The following UBE3C variants were observed in gnomAD, a reference collection of about 807,000 sequenced individuals.
The protein encoded by UBE3C is ubiquitin-protein ligase E3C.
In UBE3C, 42 loss-of-function variants were observed where a neutral mutation model predicts 129.4. The ratio of observed to expected loss-of-function variants is 0.32; its 90% confidence interval spans 0.25 to 0.42. UBE3C has a LOEUF of 0.42. Ranked by LOEUF, UBE3C falls within the 10% of genes least tolerant of loss-of-function variation. UBE3C has a pLI of 1.00. For synonymous variants in UBE3C, 510 were observed against 492.4 expected (o/e 1.04, Z -0.47); for missense variants, 1,049 against 1,319.1 (o/e 0.80, Z 3.17).
chr7:157,201,660 A>ATTTTTTT (rs1809286928), intron 10 of UBE3C, 61 bp from the exon 11 acceptor site: 1 of 370,484 alleles, frequency 2.7e-6, no homozygotes, highest in Non-Finnish European at 3.9e-6. Flanking sequence ...TTTTTTTTTA[A>ATTTTTTT]GAAATGTTTT....
At chr7:157,197,072 T>G (rs1232758803) in intron 10 of UBE3C, among the ~76,000 whole-genome samples, 3 of 152,244 alleles carry the variant, frequency 2.0e-5, no homozygotes, top group African/African-American at 7.2e-5. Flanking sequence ...ACTAGTAATA[T>G]ATCTAAATCA....
At chr7:157,139,680 T>G (rs963158177) in intron 1 of UBE3C, among the ~76,000 whole-genome samples, 48 of 152,240 alleles carry the variant, frequency 3.2e-4, no homozygotes, top group African/African-American at 1.2e-3. Context: ...CTCCCTTCCA[T>G]GCAGGAGGCC....
At chr7:157,186,806 G>A in intron 9 of UBE3C, 28 bp from the exon 10 acceptor site, 2 of 1,611,012 alleles carry the variant, frequency 1.2e-6, no homozygotes, top group Non-Finnish European at 1.7e-6. Flanking sequence ...GCACATTTAT[G>A]GAGACTGGTT....
chr7:157,171,572 A>T (rs1380573768), intron 4 of UBE3C, among the ~76,000 whole-genome samples: 5 of 150,132 alleles, frequency 3.3e-5, no homozygotes, highest in African/African-American at 7.3e-5. Context: ...TAATTTTTTT[A>T]AAAAATGGAA....
intron 1 of UBE3C, among the ~76,000 whole-genome samples, chr7:157,145,632 C>T (rs1489577432): frequency 6.6e-6 from 1 of 152,232 alleles, no homozygotes; most frequent in Non-Finnish European, 1.5e-5. Flanking sequence ...TCCAGAATGT[C>T]ATATAGTTGG....
chr7:157,177,158 C>G lies in UBE3C; in HGVS notation c.459-1532C>G, dbSNP rs148031044. On this transcript the variant is annotated intron_variant, in intron 5 of 22. Coordinates refer to ENST00000348165, the MANE Select transcript of UBE3C (RefSeq NM_014671.3). ...GGCGCAGTTCCTCCATATCCTGAAC[C>G]CTTGGTATTGACATTTGTCAAAACC... Among the ~76,000 whole-genome samples, 414 of 152,252 alleles carry G rather than the reference C, an allele frequency of 2.7e-3. 4 individuals carry two copies. Among genetic ancestry groups the G allele is most frequent in the African/African-American group, 9.7e-3 (401 of 41,546 alleles).
At chr7:157,250,648 C>T (rs57511186) in intron 19 of UBE3C, among the ~76,000 whole-genome samples, 1,676 of 152,284 alleles carry the variant, frequency 0.011, 35 homozygotes, top group African/African-American at 0.038. Context: ...TTGGTTACAA[C>T]TTATTTAGTT....
chr7:157,220,682 C>T lies in UBE3C; in HGVS notation c.1915-7C>T. The T allele has an allele frequency of 6.2e-7, 1 of 1,614,018 alleles. No individual in the cohort carries two copies. ...GGGGAGTTCTGAACCAGGATTGCCC[C>T]CGACAGGTCACTCAGCTCTATGTGC... On this transcript the variant is annotated splice_polypyrimidine_tract_variant and splice_region_variant and intron_variant, in intron 14 of 22. Coordinates refer to ENST00000348165, the MANE Select transcript of UBE3C (RefSeq NM_014671.3).
chr7:157,171,962 C>T (rs1302210202), intron 4 of UBE3C, among the ~76,000 whole-genome samples: 2 of 150,200 alleles, frequency 1.3e-5, no homozygotes, highest in Non-Finnish European at 3.0e-5. Context: ...CTGCCTCGGC[C>T]ACCCATAGTG....
At chr7:157,204,071 A>G (rs981616501) in intron 11 of UBE3C, among the ~76,000 whole-genome samples, 2 of 152,206 alleles carry the variant, frequency 1.3e-5, no homozygotes, top group African/African-American at 4.8e-5. Context: ...GTTTATGGAT[A>G]CTCGAAGTAT....
At chr7:157,200,583 A>G (rs1809252315) in intron 10 of UBE3C, among the ~76,000 whole-genome samples, 2 of 152,230 alleles carry the variant, frequency 1.3e-5, no homozygotes, top group Non-Finnish European at 1.5e-5. Flanking sequence ...CATTCTTCAC[A>G]AAGTTCATCT....
At chr7:157,157,219 G>A (rs189737912) in intron 1 of UBE3C, among the ~76,000 whole-genome samples, 1 of 152,202 alleles carries the variant, frequency 6.6e-6, no homozygotes, top group African/African-American at 2.4e-5. Context: ...TGATGTGGAC[G>A]GTAATAGTCC....
chr7:157,152,181 C>CT (rs1807773884), intron 1 of UBE3C, among the ~76,000 whole-genome samples: 1 of 149,262 alleles, frequency 6.7e-6, no homozygotes, highest in African/African-American at 2.5e-5. Context: ...GAAGAGAAGG[C>CT]TGGGAGGAAG....
intron 18 of UBE3C, among the ~76,000 whole-genome samples, chr7:157,242,907 A>C (rs970295402): frequency 6.6e-6 from 1 of 152,136 alleles, no homozygotes; most frequent in Non-Finnish European, 1.5e-5. Context: ...ATACAAAAAT[A>C]AGCTGGGCGT....
chr7:157,225,668 G>GT, intron 17 of UBE3C, 129 bp downstream of exon 17: 1 of 1,062,016 alleles, frequency 9.4e-7, no homozygotes, highest in Non-Finnish European at 1.3e-6. Flanking sequence ...GAAATGTGAG[G>GT]CTGGGCATGG....
At chr7:157,258,762 C>A (rs1163669626) in intron 22 of UBE3C, among the ~76,000 whole-genome samples, 1 of 152,146 alleles carries the variant, frequency 6.6e-6, no homozygotes, top group Non-Finnish European at 1.5e-5. Context: ...GCCCGGCCCC[C>A]CAAGTATTTT....
At chr7:157,231,816 A>G (rs1182444) in intron 18 of UBE3C, 82,741 of 159,056 alleles carry the variant, frequency 0.52, 24,569 homozygotes, top group Non-Finnish European at 0.65. Flanking sequence ...ACTCAGTTTC[A>G]GGTCTTCTGT....
rs17837526 is a variant in UBE3C, at chr7:157,157,386, A to G, written c.67-6424A>G. 5.4e-3 allele frequency among the ~76,000 whole-genome samples: 821 copies of G among 152,326 alleles called. 18 individuals carry two copies. The highest frequency in any genetic ancestry group is 0.018 in the African/African-American group (761 of 41,558). Reference sequence around the variant, plus strand: ...TAGCATCATGAAAATGATTATTTGTAGAACAAGATGAAAAGATAATCAAAT... The same window carrying G: ...TAGCATCATGAAAATGATTATTTGTGGAACAAGATGAAAAGATAATCAAAT... On this transcript the variant is annotated intron_variant, in intron 1 of 22. Transcript: ENST00000348165.
intron 1 of UBE3C, among the ~76,000 whole-genome samples, chr7:157,143,736 A>G (rs2116785618): frequency 6.6e-6 from 1 of 152,128 alleles, no homozygotes; most frequent in African/African-American, 2.4e-5. Context: ...GTGGTCGTTG[A>G]CTGAATGCCT....
Sources: gnomAD v4.1 joint callset for allele counts (sites outside exome capture counted in the v4.1 genomes callset) on GRCh38, gnomAD v4.1.1 for gene constraint, MANE v1.5 for transcripts, NCBI Gene and HGNC (gene_info 2026-07-23, HGNC 2026-07-21) for gene names.